SLC17A6: variants seen among roughly 807,000 people sequenced by gnomAD.
SLC17A6 encodes the protein solute carrier family 17 member 6.
A neutral mutation model predicts 67.1 loss-of-function variants in SLC17A6; 35 were observed. That is an observed-to-expected ratio of 0.52 (90% CI 0.40 to 0.69). The LOEUF (loss-of-function observed/expected upper bound fraction) is 0.69. SLC17A6 is among the 30% of genes least tolerant of loss of function. The probability of loss-of-function intolerance (pLI) is 0.00; values close to 1 mark genes in which losing one functional copy is unlikely to be tolerated. For synonymous variants in SLC17A6, 285 were observed against 252.3 expected (o/e 1.13, Z -1.23); for missense variants, 588 against 723.9 (o/e 0.81, Z 2.15).
intron 5 of SLC17A6, among the ~76,000 whole-genome samples, 151 bp from the exon 6 acceptor site, chr11:22,362,572 CGTATGTAGACATATAT>C (rs896229053): frequency 6.6e-6 from 1 of 152,006 alleles, no homozygotes; most frequent in African/African-American, 2.4e-5. Flanking sequence ...TTCCTGTGTA[CGTATGTAGACATATAT>C]GTGTTTGGTG....
At chr11:22,372,812 T>A (rs1441115952) in intron 8 of SLC17A6, among the ~76,000 whole-genome samples, 2 of 152,128 alleles carry the variant, frequency 1.3e-5, no homozygotes, top group Non-Finnish European at 2.9e-5. Context: ...ACATGAATGA[T>A]CTTTAGGAAG....
intron 1 of SLC17A6, among the ~76,000 whole-genome samples, chr11:22,341,320 C>T (rs1855812906): frequency 6.6e-6 from 1 of 152,130 alleles, no homozygotes; most frequent in Non-Finnish European, 1.5e-5. Context: ...GAAGAGACGC[C>T]GCCGCCGCGG....
intron 9 of SLC17A6, among the ~76,000 whole-genome samples, 162 bp downstream of exon 9, chr11:22,375,049 A>T (rs1422322650): frequency 6.6e-6 from 1 of 152,148 alleles, no homozygotes; most frequent in Non-Finnish European, 1.5e-5. Flanking sequence ...CAAATTTTTC[A>T]TAACTCCTAG....
At chr11:22,352,474 A>G (rs1035662752) in intron 3 of SLC17A6, among the ~76,000 whole-genome samples, 1 of 152,248 alleles carries the variant, frequency 6.6e-6, no homozygotes, top group East Asian at 1.9e-4. Context: ...AAGATCTGTT[A>G]TCACCTACAT....
chr11:22,357,757 A>G, intron 3 of SLC17A6, among the ~76,000 whole-genome samples: 1 of 152,336 alleles, frequency 6.6e-6, no homozygotes, highest in Non-Finnish European at 1.5e-5. Flanking sequence ...AAAATAAGAC[A>G]CACATATTAG....
rs763945621 is a variant in SLC17A6 at position 22,338,631 on chromosome 11, C to T, written c.86+12C>T. 1 of 1,596,324 alleles carries T rather than the reference C, an allele frequency of 6.3e-7. No homozygotes were observed. The highest frequency in any genetic ancestry group is 1.3e-5 in the African/African-American group (1 of 74,512). On this transcript the variant is annotated intron_variant, in intron 1 of 11. Coordinates refer to ENST00000263160, the MANE Select transcript of SLC17A6 (RefSeq NM_020346.3). ...GGCCAGATCTACAGGTAAGACAAAG[C>T]GAACACTTGCTTACCTGGGGCTCAG...
At chr11:22,349,821 A>C (rs1048006449) in intron 3 of SLC17A6, among the ~76,000 whole-genome samples, 2 of 152,182 alleles carry the variant, frequency 1.3e-5, no homozygotes, top group African/African-American at 4.8e-5. Flanking sequence ...CAGATGTGAC[A>C]AAGGGAGGCA....
intron 2 of SLC17A6, 120 bp downstream of exon 2, chr11:22,341,900 C>G (rs1351573308): frequency 1.4e-6 from 2 of 1,412,060 alleles, no homozygotes; most frequent in Non-Finnish European, 1.9e-6. Flanking sequence ...GCTCCCTAAG[C>G]TCCTCTCTGG....
intron 2 of SLC17A6, 94 bp from the exon 3 acceptor site, chr11:22,343,153 C>G (rs1398261489): frequency 1.3e-5 from 13 of 1,034,004 alleles, no homozygotes; most frequent in African/African-American, 9.5e-5. Flanking sequence ...AGCGCCCAAG[C>G]CTTGGGGGCT....
At chr11:22,364,760 C>T (rs1856090601) in intron 6 of SLC17A6, among the ~76,000 whole-genome samples, 1 of 152,034 alleles carries the variant, frequency 6.6e-6, no homozygotes. Context: ...TAGAATAAAT[C>T]ACTTGAGATT....
At chr11:22,347,615 C>A (rs748399657) in intron 3 of SLC17A6, among the ~76,000 whole-genome samples, 2 of 152,074 alleles carry the variant, frequency 1.3e-5, no homozygotes, top group Non-Finnish European at 2.9e-5. Context: ...GATAAAAATG[C>A]CTTTTTTCAT....
intron 8 of SLC17A6, among the ~76,000 whole-genome samples, chr11:22,374,304 A>G (rs1856206809): frequency 6.6e-6 from 1 of 152,214 alleles, no homozygotes; most frequent in African/African-American, 2.4e-5. Flanking sequence ...TCTGTGCTAT[A>G]AAACTCATGA....
At chr11:22,355,089 G>A (rs1855981884) in intron 3 of SLC17A6, among the ~76,000 whole-genome samples, 1 of 152,098 alleles carries the variant, frequency 6.6e-6, no homozygotes, top group Non-Finnish European at 1.5e-5. Context: ...TCTTCTGGTT[G>A]TTTTACTTCA....
chr11:22,359,270 C>T (rs576372223), intron 3 of SLC17A6, 143 bp from the exon 4 acceptor site: 3 of 429,092 alleles, frequency 7.0e-6, no homozygotes, highest in East Asian at 7.3e-5. Flanking sequence ...AAGTCCAGAA[C>T]ATATATTAGA....
At chr11:22,377,323 AGTG>A (rs1856242269) in intron 11 of SLC17A6, 79 bp from the exon 12 acceptor site, 1 of 1,269,094 alleles carries the variant, frequency 7.9e-7, no homozygotes, top group African/African-American at 1.5e-5. Context: ...ATGAAAACTC[AGTG>A]GTGGTGCATT....
At chr11:22,366,116 C>A (rs1052638431) in intron 7 of SLC17A6, among the ~76,000 whole-genome samples, 1 of 152,130 alleles carries the variant, frequency 6.6e-6, no homozygotes, top group Non-Finnish European at 1.5e-5. Context: ...CCCCGGGTTG[C>A]TACCGAACCC....
At chr11:22,350,836 T>C (rs2034322) in intron 3 of SLC17A6, among the ~76,000 whole-genome samples, 89,314 of 151,852 alleles carry the variant, frequency 0.59, 26,626 homozygotes, top group Middle Eastern at 0.67. Flanking sequence ...TTCAGCTATA[T>C]ATATATGTGA....
intron 3 of SLC17A6, among the ~76,000 whole-genome samples, chr11:22,348,772 G>T (rs767118693): frequency 6.6e-6 from 1 of 152,128 alleles, no homozygotes; most frequent in Admixed American, 6.5e-5. Context: ...GTGTACATTT[G>T]TATTTATAAA....
At chr11:22,367,303 C>T (rs542646346) in intron 7 of SLC17A6, among the ~76,000 whole-genome samples, 11 of 152,088 alleles carry the variant, frequency 7.2e-5, no homozygotes, top group East Asian at 3.9e-4. Context: ...AAGTCTATCA[C>T]CCATTATTGT....
Sources: gnomAD v4.1 joint callset for allele counts (sites outside exome capture counted in the v4.1 genomes callset) on GRCh38, gnomAD v4.1.1 for gene constraint, MANE v1.5 for transcripts, NCBI Gene and HGNC (gene_info 2026-07-23, HGNC 2026-07-21) for gene names.